Variants in COL17A1 observed in about 807,000 individuals in gnomAD.
COL17A1 encodes collagen type XVII alpha 1 chain.
COL17A1 carries 181 observed loss-of-function variants against 218.4 expected under a neutral mutation model. That is an observed-to-expected ratio of 0.83 (90% CI 0.73 to 0.94). The LOEUF (loss-of-function observed/expected upper bound fraction) is 0.94. Ranked by LOEUF, COL17A1 falls within the 40% of genes least tolerant of loss-of-function variation. The pLI is 0.00. For synonymous variants in COL17A1, 721 were observed against 731.0 expected (o/e 0.99, Z 0.22); for missense variants, 1,924 against 1,945.9 (o/e 0.99, Z 0.21).
At chr10:104,070,341 C>G in intron 9 of COL17A1, 85 bp downstream of exon 9, 1 of 1,590,088 alleles carries the variant, frequency 6.3e-7, no homozygotes, top group South Asian at 1.1e-5. Flanking sequence ...TTTCACTGTT[C>G]TCTGGGTCTC....
intron 28 of COL17A1, 120 bp downstream of exon 28, chr10:104,049,969 A>G (rs34422866): frequency 0.12 from 186,023 of 1,491,458 alleles, 12,977 homozygotes; most frequent in Middle Eastern, 0.19. Flanking sequence ...CTAGATCACA[A>G]GTTCCCTGAA....
At position 104,034,231 on chromosome 10, in the gene COL17A1, C is replaced by T. The variant is rs1210759745; in HGVS notation, c.3870G>A (p.Arg1290=). 9 of 1,611,908 alleles carry T rather than the reference C, an allele frequency of 5.6e-6. No homozygotes were observed. Among genetic ancestry groups the T allele is most frequent in the Non-Finnish European group, 7.6e-6 (9 of 1,179,704 alleles). Residue 1290 remains arginine, a synonymous_variant, in exon 52 of 56, where the codon CGG becomes CGA. Transcript: ENST00000648076. The part of the protein sequence containing the change: ...RLLSTDASHS[R]GSSSSSHSSS... ...AGCTGTGTGAGGAGGAGCTGCTACC[C>T]CGACTGTGGGAGGCATCCGTGGACA...
chr10:104,071,939 T>TGCACACACACAGGCATGCAC, intron 8 of COL17A1, 93 bp downstream of exon 8: 2 of 1,571,942 alleles, frequency 1.3e-6, no homozygotes, highest in Non-Finnish European at 1.7e-6. Flanking sequence ...TGTGCATGCA[T>TGCACACACACAGGCATGCAC]GCACACACAC....
At position 104,034,249 on chromosome 10, in the gene COL17A1, C is replaced by T. The variant is rs372395647; in HGVS notation, c.3852G>A (p.Thr1284=). 2.4e-5 allele frequency: 38 copies of T among 1,609,486 alleles called. No homozygotes were observed. The highest frequency in any genetic ancestry group is 2.2e-4 in the East Asian group (10 of 44,768). ...TGCTACCCCGACTGTGGGAGGCATC[C>T]GTGGACAGGAGGCGGCTGTCCCCAG... is the stretch of plus-strand genomic sequence containing the variant. ...GPPGDSRLLS[T]DASHSRGSSS... is the part of the protein sequence containing the mutation. The change falls in exon 52 of 56, where the codon ACG becomes ACA. Residue 1284 remains threonine, a synonymous_variant. Transcript: ENST00000648076.
chr10:104,033,499 G>T, intron 52 of COL17A1, 124 bp from the exon 53 acceptor site: 1 of 1,176,864 alleles, frequency 8.5e-7, no homozygotes, highest in Non-Finnish European at 1.2e-6. Flanking sequence ...CCGCAGCAAG[G>T]GTGAAGCCCT....
Position 104,055,184 on chromosome 10 carries a change from C to T in COL17A1, c.1718-177G>A, listed in dbSNP as rs2086508454. 89 of 1,423,360 alleles carry T rather than the reference C, an allele frequency of 6.3e-5. 3 individuals carry two copies. The South Asian group carries it at 1.1e-3, about 18-fold the overall frequency. 88.2% of individuals were successfully genotyped at this position (1,423,360 alleles called of 1,614,324 possible). A position where few individuals can be genotyped will look rare whatever the true frequency, so the allele number is the denominator to read the frequency against. On this transcript the variant is annotated intron_variant, in intron 19 of 55. Transcript: ENST00000648076. ...CATTTGGGCTCATTGCTGGGCTTCT[C>T]TTAGATGCTGCCTTATCTAAGATAT... is the stretch of plus-strand genomic sequence containing the variant.
rs2086521402 is a variant in COL17A1, at chr10:104,055,997, T to G, written c.1472A>C (p.Glu491Ala). ...CACACGCGCCTTCAGCTTCCTCACC[T>G]CCTCCGCTGCAACAAACAGACACAC... The part of the protein sequence containing the change: ...LLFGLIALAE[E>A]VRKLKARVDE... Residue 491 changes from glutamate (E) to alanine (A), a missense_variant, in exon 18 of 56, where the codon GAG (glutamate) becomes GCG (alanine). Physicochemically the swap from Glu to Ala is moderately radical, Grantham distance 107. Transcript: ENST00000648076. 1.2e-6 allele frequency: 2 copies of G among 1,613,866 alleles called. No individual in the cohort carries two copies. The highest frequency in any genetic ancestry group is 8.5e-7 in the Non-Finnish European group (1 of 1,180,000).
rs575355033 is a variant in COL17A1, at chr10:104,051,279, C to T, written c.2038+202G>A. ...CTGCTGGAGGGTCTCAAGCCCTAAG[C>T]CAGGTCAGAAGGGATCTGGACAGGA... On this transcript the variant is annotated intron_variant, in intron 25 of 55. Transcript: ENST00000648076. Among the ~76,000 whole-genome samples, 3 of 152,316 alleles carry T rather than the reference C, an allele frequency of 2.0e-5. No individual in the cohort carries two copies. In the South Asian group the frequency reaches 6.2e-4, roughly 32 times the overall value.
intron 16 of COL17A1, among the ~76,000 whole-genome samples, chr10:104,057,670 G>A (rs1047835976): frequency 1.7e-4 from 26 of 151,654 alleles, no homozygotes; most frequent in Non-Finnish European, 4.4e-5. Context: ...CTCTTCAGGG[G>A]TGCCTAGTGA....
At chr10:104,057,415 GTTTCCGTTTTTAT>G in intron 16 of COL17A1, among the ~76,000 whole-genome samples, 1 of 30,918 alleles carries the variant, frequency 3.2e-5, no homozygotes, top group Non-Finnish European at 1.5e-4. Context: ...CTTCACCTTT[GTTTCCGTTTTTAT>G]AACATGGGGT....
chr10:104,052,222 G>T lies in COL17A1; in HGVS notation c.1940-5C>A, dbSNP rs1330783156. ...GACCTGGTTCACCAGCAGCCCCTGA[G>T]GAGAAATGGAGGGATGAGCACTTTG... is the stretch of plus-strand genomic sequence containing the variant. On this transcript the variant is annotated splice_polypyrimidine_tract_variant and splice_region_variant and intron_variant, in intron 23 of 55. Coordinates refer to ENST00000648076, the MANE Select transcript of COL17A1 (RefSeq NM_000494.4). The T allele has an allele frequency of 6.2e-7, 1 of 1,614,164 alleles. No individual in the cohort carries two copies. Among genetic ancestry groups the T allele is most frequent in the Non-Finnish European group, 8.5e-7 (1 of 1,179,998 alleles).
In COL17A1 at chr10:104,062,282, G is replaced by A. The variant is rs1171029333; in HGVS notation, c.886C>T (p.His296Tyr). ...CCTGTGGAAGTGGTGGTGGTGCCATGGGACAGGGTGGTCAAGCTGGGGGCC... is the reference window on the plus strand; with the variant it reads ...CCTGTGGAAGTGGTGGTGGTGCCATAGGACAGGGTGGTCAAGCTGGGGGCC... ...NLAPSLTTLS[H>Y]GTTTTSTAYG... Residue 296 changes from histidine to tyrosine, a missense_variant, in exon 12 of 56, where the codon CAT (histidine) becomes TAT (tyrosine). His to Tyr is a moderately conservative substitution (Grantham distance 83). Coordinates refer to ENST00000648076, the MANE Select transcript of COL17A1 (RefSeq NM_000494.4). The A allele has an allele frequency of 6.2e-7, 1 of 1,614,200 alleles. No homozygotes were observed. Among genetic ancestry groups the A allele is most frequent in the African/African-American group, 1.3e-5 (1 of 75,050 alleles).
Position 104,047,809 on chromosome 10 carries a change from A to G in COL17A1, c.2265T>C (p.Gly755=). Residue 755 remains glycine (G), a splice_region_variant and synonymous_variant, in exon 31 of 56, where the codon GGT becomes GGC. Coordinates refer to ENST00000648076, the MANE Select transcript of COL17A1 (RefSeq NM_000494.4). Reference sequence around the variant, plus strand: ...CAGGCATCCCAGTAAGACCTTGTTCACCTAGAGAGAGAATGGCCAACGTGG... The same window carrying G: ...CAGGCATCCCAGTAAGACCTTGTTCGCCTAGAGAGAGAATGGCCAACGTGG... The part of the protein sequence containing the change: ...AGPDGHQGPR[G]EQGLTGMPGI... 6.2e-7 allele frequency: 1 copy of G among 1,613,982 alleles called. No individual in the cohort carries two copies. The highest frequency in any genetic ancestry group is 8.5e-7 in the Non-Finnish European group (1 of 1,179,828).
intron 48 of COL17A1, among the ~76,000 whole-genome samples, chr10:104,035,796 G>C (rs950518259): frequency 1.3e-5 from 2 of 152,160 alleles, no homozygotes; most frequent in Non-Finnish European, 2.9e-5. Context: ...GTGTGTGTAT[G>C]AGTATGTGTG....
chr10:104,034,485 T>G, intron 51 of COL17A1, 136 bp downstream of exon 51: 11 of 1,490,782 alleles, frequency 7.4e-6, no homozygotes, highest in Non-Finnish European at 9.0e-6. Flanking sequence ...AATTTTGGTG[T>G]GGAAGGAAAC....
At chr10:104,042,608 G>A (rs576065839) in intron 35 of COL17A1, among the ~76,000 whole-genome samples, 153 bp from the exon 36 acceptor site, 103 of 152,270 alleles carry the variant, frequency 6.8e-4, no homozygotes, top group African/African-American at 2.3e-3. Context: ...TCAGCCCTGC[G>A]GTCCAGTTGC....
In COL17A1 at chr10:104,035,282, G is replaced by A. The variant is rs57358586; in HGVS notation, c.3600C>T (p.Asp1200=). Residue 1200 remains aspartate (D), a synonymous_variant, in exon 50 of 56, where the codon GAC becomes GAT. Transcript: ENST00000648076. ...GNVWSSISVE[D]LSSYLHTAGL... is the part of the protein sequence containing the mutation. The stretch of plus-strand genomic sequence containing the variant: ...CCCTACTATGTAAGTAAGACGAGAG[G>A]TCCTCCACGCTGATGCTGGACCACA... The A allele has an allele frequency of 7.2e-4, 1,158 of 1,614,008 alleles. 4 individuals carry two copies. The African/African-American group carries it at 0.014, about 19-fold the overall frequency.
At chr10:104,052,913 G>T in intron 23 of COL17A1, 118 bp downstream of exon 23, 3 of 1,244,586 alleles carry the variant, frequency 2.4e-6, no homozygotes, top group Non-Finnish European at 1.2e-6. Flanking sequence ...CAGGGTGGGT[G>T]CTCAGTAAAT....
intron 15 of COL17A1, 52 bp from the exon 16 acceptor site, chr10:104,058,242 C>T: frequency 6.2e-7 from 1 of 1,612,760 alleles, no homozygotes. Context: ...GAGCTAGCTG[C>T]TCTGCCTATG....
Sources: gnomAD v4.1 joint callset for allele counts (sites outside exome capture counted in the v4.1 genomes callset) on GRCh38, gnomAD v4.1.1 for gene constraint, MANE v1.5 for transcripts, NCBI Gene and HGNC (gene_info 2026-07-23, HGNC 2026-07-21) for gene names.